Variants in CWC22 observed in about 807,000 individuals in gnomAD.
The protein encoded by CWC22 is pre-mRNA-splicing factor CWC22 homolog.
In CWC22, 53 loss-of-function variants were observed where a neutral mutation model predicts 117.2. That is an observed-to-expected ratio of 0.45 (90% confidence interval 0.36 to 0.57). CWC22 has a LOEUF of 0.57. Ranked by LOEUF, CWC22 falls within the 20% of genes least tolerant of loss-of-function variation. The probability of loss-of-function intolerance (pLI) is 0.00; values close to 1 mark genes in which losing one functional copy is unlikely to be tolerated. For missense variants in CWC22, 980 were observed against 1,068.8 expected (o/e 0.92, Z 1.16); for synonymous variants, 360 against 355.6 (o/e 1.01, Z -0.14).
chr2:179,966,790 G>T (rs772272577), intron 11 of CWC22, among the ~76,000 whole-genome samples: 1 of 152,092 alleles, frequency 6.6e-6, no homozygotes, highest in Non-Finnish European at 1.5e-5. Context: ...CTTTACTTTC[G>T]CATTTCTATT....
intron 6 of CWC22, among the ~76,000 whole-genome samples, chr2:179,977,165 C>A (rs1489367495): frequency 1.3e-5 from 2 of 151,960 alleles, no homozygotes; most frequent in African/African-American, 4.8e-5. Context: ...TAAAATAAAT[C>A]AATATAAAAA....
In CWC22 at chr2:179,973,285, C is replaced by A. The variant is rs537279342; in HGVS notation, c.751-39G>T. ...GTGGAAAGTTAACCTATAAACTAAACCCAATTTTCATTTATTTACATAATC... is the reference window on the plus strand; with the variant it reads ...GTGGAAAGTTAACCTATAAACTAAAACCAATTTTCATTTATTTACATAATC... On this transcript the variant is annotated intron_variant, in intron 7 of 19. Coordinates refer to ENST00000410053, the MANE Select transcript of CWC22 (RefSeq NM_020943.3). The A allele has an allele frequency of 2.7e-6, 4 of 1,466,694 alleles. No individual in the cohort carries two copies. The Admixed American group carries it at 5.7e-5, about 21-fold the overall frequency. The allele number at this position is 1,466,694 out of a possible 1,614,324, so 90.9% of individuals were successfully genotyped here. A position where few individuals can be genotyped will look rare whatever the true frequency, so the allele number is the denominator to read the frequency against.
rs1362519031 is a variant in CWC22 at position 179,954,164 on chromosome 2, G to A, written c.1689+41C>T. On this transcript the variant is annotated intron_variant, in intron 16 of 19. Transcript: ENST00000410053. ...TATACGAAAATCTATTTGAGAACAGGGAATTAGGAAGGAAGTATAAATATT... is the reference window on the plus strand; with the variant it reads ...TATACGAAAATCTATTTGAGAACAGAGAATTAGGAAGGAAGTATAAATATT... The A allele has an allele frequency of 4.1e-6, 6 of 1,480,460 alleles. No homozygotes were observed. In the Admixed American group the frequency reaches 1.1e-4, roughly 28 times the overall value. 91.7% of individuals were successfully genotyped at this position (1,480,460 alleles called of 1,614,324 possible).
chr2:179,995,442 CAT>C (rs1459477084), intron 1 of CWC22, among the ~76,000 whole-genome samples: 12 of 152,150 alleles, frequency 7.9e-5, no homozygotes, highest in Non-Finnish European at 1.8e-4. Context: ...AAATAAAAAA[CAT>C]GTTTCAAAGG....
At chr2:179,947,649 T>C (rs1686343090) in intron 19 of CWC22, among the ~76,000 whole-genome samples, 1 of 152,186 alleles carries the variant, frequency 6.6e-6, no homozygotes, top group Non-Finnish European at 1.5e-5. Context: ...ATAAAAATGG[T>C]GAATGTTAAA....
chr2:179,962,962 T>C (rs1197910254), intron 13 of CWC22, among the ~76,000 whole-genome samples: 1 of 152,086 alleles, frequency 6.6e-6, no homozygotes, highest in Non-Finnish European at 1.5e-5. Flanking sequence ...AAATTAATAA[T>C]GTTTAAAAAA....
At chr2:179,999,990 G>A (rs1420012264) in intron 1 of CWC22, among the ~76,000 whole-genome samples, 1 of 152,070 alleles carries the variant, frequency 6.6e-6, no homozygotes, top group Non-Finnish European at 1.5e-5. Flanking sequence ...CCCAAGGAAC[G>A]GATTTTCCTT....
chr2:179,972,415 C>A (rs1390764120), intron 8 of CWC22, among the ~76,000 whole-genome samples: 8 of 152,114 alleles, frequency 5.3e-5, no homozygotes, highest in African/African-American at 1.4e-4. Flanking sequence ...AAATTACCTG[C>A]ATTTGAAACA....
intron 6 of CWC22, among the ~76,000 whole-genome samples, chr2:179,977,170 TA>T (rs879840212): frequency 7.9e-5 from 12 of 151,898 alleles, no homozygotes; most frequent in Admixed American, 3.3e-4. Context: ...TAAATCAATA[TA>T]AAAAAAATTT....
chr2:179,966,079 G>T, intron 11 of CWC22, 97 bp from the exon 12 acceptor site: 1 of 911,684 alleles, frequency 1.1e-6, no homozygotes, highest in Non-Finnish European at 1.7e-6. Context: ...GAAATCCACT[G>T]TGGTGTAACA....
chr2:180,005,819 T>G (rs1212599877), intron 1 of CWC22, among the ~76,000 whole-genome samples: 1 of 152,222 alleles, frequency 6.6e-6, no homozygotes, highest in Non-Finnish European at 1.5e-5. Flanking sequence ...CCTACATGTT[T>G]CCAGATGATG....
intron 4 of CWC22, among the ~76,000 whole-genome samples, chr2:179,985,098 T>C (rs1687385659): frequency 6.6e-6 from 1 of 152,030 alleles, no homozygotes; most frequent in African/African-American, 2.4e-5. Flanking sequence ...AGAAGTTTGT[T>C]AAGAAATTTT....
At chr2:179,983,171 G>C (rs1687327788) in intron 4 of CWC22, among the ~76,000 whole-genome samples, 1 of 151,972 alleles carries the variant, frequency 6.6e-6, no homozygotes, top group African/African-American at 2.4e-5. Context: ...TTGTGTCATG[G>C]GGGTTTGTTG....
At chr2:179,983,571 T>C (rs1211912002) in intron 4 of CWC22, among the ~76,000 whole-genome samples, 2 of 152,136 alleles carry the variant, frequency 1.3e-5, no homozygotes, top group African/African-American at 4.8e-5. Context: ...CTGTGATAAA[T>C]ATACACATGC....
intron 2 of CWC22, 79 bp from the exon 3 acceptor site, chr2:179,988,723 G>T: frequency 1.4e-6 from 1 of 696,788 alleles, no homozygotes; most frequent in Non-Finnish European, 2.4e-6. Context: ...GGCTTAGAAA[G>T]TTGGAAGTAC....
chr2:179,981,227 T>C (rs1270935125), intron 5 of CWC22, among the ~76,000 whole-genome samples: 1 of 152,194 alleles, frequency 6.6e-6, no homozygotes, highest in Non-Finnish European at 1.5e-5. Context: ...AACACAGCCA[T>C]GCTTATAATT....
At chr2:179,947,887 A>G (rs1025864426) in intron 19 of CWC22, among the ~76,000 whole-genome samples, 2 of 152,168 alleles carry the variant, frequency 1.3e-5, no homozygotes, top group Non-Finnish European at 2.9e-5. Context: ...TCCAAACAAA[A>G]CAAAATGAGA....
intron 13 of CWC22, among the ~76,000 whole-genome samples, chr2:179,962,693 A>T (rs1686784676): frequency 6.6e-6 from 1 of 151,936 alleles, no homozygotes; most frequent in Non-Finnish European, 1.5e-5. Context: ...CCATATTTAT[A>T]TCTTTAGGAA....
In CWC22 at chr2:179,986,782, G is replaced by A. The variant is rs761538099; in HGVS notation, c.119C>T (p.Pro40Leu). ...GTAATCAAAGTAATCTCTATCCCGG[G>A]GGGATCGTTCTTGTTCTTCATATCT... ...EDRYEEQERS[P>L]RDRDYFDYSR... is the part of the protein sequence containing the mutation. The change falls in exon 4 of 20, where the codon CCC (proline) becomes CTC (leucine). Residue 40 changes from proline (P) to leucine (L), a missense_variant. By Grantham distance (98) the Pro-to-Leu change is moderately conservative. This residue lies in a region of CWC22 where 559 missense variants were observed against 602.3 expected (regional missense o/e 0.93). Transcript: ENST00000410053. 2.5e-6 allele frequency: 4 copies of A among 1,594,168 alleles called. No homozygotes were observed. The highest frequency in any genetic ancestry group is 1.3e-5 in the African/African-American group (1 of 74,112).
Sources: allele counts gnomAD v4.1 joint callset (sites outside exome capture counted in the v4.1 genomes callset), GRCh38; gene constraint gnomAD v4.1.1; regional missense constraint gnomAD v4.1.1; transcripts MANE v1.5; gene names NCBI Gene and HGNC (gene_info 2026-07-23, HGNC 2026-07-21).